The following RHPN2 variants were observed in gnomAD, a reference collection of about 807,000 sequenced individuals.
The protein encoded by RHPN2 is rhophilin-2.
A neutral mutation model predicts 79.0 loss-of-function variants in RHPN2; 40 were observed. That is an observed-to-expected ratio of 0.51 (90% confidence interval 0.39 to 0.66). RHPN2 has a LOEUF of 0.66. Ranked by LOEUF, RHPN2 falls within the 30% of genes least tolerant of loss-of-function variation. The probability of loss-of-function intolerance (pLI) is 0.00; values close to 1 mark genes in which losing one functional copy is unlikely to be tolerated. For synonymous variants in RHPN2, 285 were observed against 363.5 expected, an observed-to-expected ratio of 0.78 and a Z score of 2.46; for missense variants, 686 against 883.5, an observed-to-expected ratio of 0.78 and a Z score of 2.83.
chr19:32,981,343 T>C (rs1971572113), intron 14 of RHPN2, among the ~76,000 whole-genome samples: 1 of 141,488 alleles, frequency 7.1e-6, no homozygotes, highest in Non-Finnish European at 1.5e-5. Flanking sequence ...GTTGAGGCTA[T>C]AGTGAGCTGT....
chr19:33,025,481 CAA>C (rs1265765367), intron 3 of RHPN2, among the ~76,000 whole-genome samples: 6 of 137,970 alleles, frequency 4.3e-5, no homozygotes, highest in Admixed American at 7.3e-5. Context: ...GACTCTGTGT[CAA>C]AAAAAAAAAA....
At chr19:33,033,950 C>T (rs935136588) in intron 2 of RHPN2, among the ~76,000 whole-genome samples, 1 of 151,902 alleles carries the variant, frequency 6.6e-6, no homozygotes, top group Non-Finnish European at 1.5e-5. Flanking sequence ...AGAGCTTCCA[C>T]GTAATGCCAA....
At chr19:33,023,371 T>C (rs772530887) in intron 3 of RHPN2, among the ~76,000 whole-genome samples, 2 of 132,134 alleles carry the variant, frequency 1.5e-5, no homozygotes, top group Non-Finnish European at 3.1e-5. Context: ...GAGGTGGAGG[T>C]AGCAGTGAGC....
rs556595491 is a variant in RHPN2, at chr19:33,008,765, A to G, written c.594-585T>C. ...AGCCTGGGCGACAACAACAACAACA[A>G]ACTCATTTCTTCAGTAAAAGTCAAG... On this transcript the variant is annotated intron_variant, in intron 6 of 14. Coordinates refer to ENST00000254260, the MANE Select transcript of RHPN2 (RefSeq NM_033103.5). Among the ~76,000 whole-genome samples, 89 of 152,108 alleles carry G rather than the reference A, an allele frequency of 5.9e-4. 1 individual carries two copies. In the East Asian group the frequency reaches 6.0e-3, roughly 10 times the overall value.
At chr19:33,064,675 C>G (rs922474588) in intron 1 of RHPN2, 109 bp downstream of exon 1, 9 of 1,207,156 alleles carry the variant, frequency 7.5e-6, no homozygotes, top group South Asian at 7.0e-5. Context: ...CCCCCTCCCC[C>G]TCCCGGCCTA....
At chr19:33,062,767 C>CATA (rs76516449) in intron 1 of RHPN2, among the ~76,000 whole-genome samples, 2,340 of 143,644 alleles carry the variant, frequency 0.016, 26 homozygotes, top group African/African-American at 0.027. Context: ...GACTCTGTTT[C>CATA]ATAATAATAA....
At chr19:33,024,926 AT>A (rs968478719) in intron 3 of RHPN2, among the ~76,000 whole-genome samples, 2 of 151,574 alleles carry the variant, frequency 1.3e-5, no homozygotes, top group South Asian at 2.1e-4. Flanking sequence ...TAATTTTCCT[AT>A]TTTTTGTAGA....
At chr19:32,988,214 A>AC (rs1555709775) in intron 14 of RHPN2, among the ~76,000 whole-genome samples, 13,340 of 141,502 alleles carry the variant, frequency 0.094, 662 homozygotes, top group South Asian at 0.23. Flanking sequence ...AACAACAACA[A>AC]AAAAAAAAAC....
At chr19:33,062,838 TC>T (rs1366499308) in intron 1 of RHPN2, among the ~76,000 whole-genome samples, 3 of 151,788 alleles carry the variant, frequency 2.0e-5, no homozygotes, top group Non-Finnish European at 4.4e-5. Flanking sequence ...TGTGCACCTT[TC>T]CTAGCTCTCT....
chr19:32,979,920 T>G lies in RHPN2; in HGVS notation c.*76A>C, dbSNP rs1971559406. 3.9e-6 allele frequency: 6 copies of G among 1,526,586 alleles called. No individual in the cohort carries two copies. Among genetic ancestry groups the G allele is most frequent in the Non-Finnish European group, 5.4e-6 (6 of 1,101,502 alleles). The allele number at this position is 1,526,586 out of a possible 1,614,324, so 94.6% of individuals were successfully genotyped here. Reference sequence around the variant, plus strand: ...TTTGAGAACAGATAGATAGATATTTTCCATTATGGCACAAACGTTTAAGGC... The same window carrying G: ...TTTGAGAACAGATAGATAGATATTTGCCATTATGGCACAAACGTTTAAGGC... On this transcript the variant is annotated 3_prime_UTR_variant, in exon 15 of 15. Transcript: ENST00000254260.
At chr19:32,987,769 C>T (rs1351546511) in intron 14 of RHPN2, among the ~76,000 whole-genome samples, 2 of 152,174 alleles carry the variant, frequency 1.3e-5, no homozygotes, top group Admixed American at 6.6e-5. Context: ...TGTAAGACTT[C>T]ACATTCGATC....
chr19:32,994,412 C>G, intron 11 of RHPN2, among the ~76,000 whole-genome samples: 1 of 151,366 alleles, frequency 6.6e-6, no homozygotes, highest in East Asian at 2.0e-4. Flanking sequence ...AAAAGTGATC[C>G]TTGGGAAGGA....
intron 2 of RHPN2, among the ~76,000 whole-genome samples, chr19:33,033,881 T>C (rs534232260): frequency 1.1e-3 from 174 of 151,590 alleles, no homozygotes; most frequent in African/African-American, 4.0e-3. Flanking sequence ...AAAGAAAAAA[T>C]AAAATAAAAT....
At chr19:33,016,719 A>G (rs1295117472) in intron 4 of RHPN2, among the ~76,000 whole-genome samples, 1 of 152,092 alleles carries the variant, frequency 6.6e-6, no homozygotes, top group Admixed American at 6.6e-5. Context: ...AAACAAAATC[A>G]CACTGTGAAG....
At chr19:33,019,674 G>A (rs904465897) in intron 4 of RHPN2, among the ~76,000 whole-genome samples, 8 of 151,990 alleles carry the variant, frequency 5.3e-5, no homozygotes, top group Admixed American at 3.3e-4. Context: ...TGAAGTGGGA[G>A]GATCACCTGA....
intron 1 of RHPN2, among the ~76,000 whole-genome samples, chr19:33,048,748 T>G (rs1406193405): frequency 1.9e-5 from 2 of 105,188 alleles, no homozygotes; most frequent in Non-Finnish European, 3.6e-5. Flanking sequence ...AAAAAAAACT[T>G]TAATGTTAAG....
intron 1 of RHPN2, among the ~76,000 whole-genome samples, chr19:33,055,195 A>G (rs1330693153): frequency 6.6e-6 from 1 of 152,106 alleles, no homozygotes; most frequent in Admixed American, 6.6e-5. Flanking sequence ...ACAAAAAATA[A>G]AAATAAAAAT....
Position 33,011,601 on chromosome 19 carries a change from G to A in RHPN2, c.593+78C>T, listed in dbSNP as rs1971835712. The A allele has an allele frequency of 3.8e-6, 6 of 1,594,286 alleles. No individual in the cohort carries two copies. In the African/African-American group the frequency reaches 4.0e-5, roughly 11 times the overall value. Reference sequence around the variant, plus strand: ...GAGGTGCACAGGGGCACCCGCAGAGGGGCGTCTGTGATGCTGAGGCTCCAA... The same window carrying A: ...GAGGTGCACAGGGGCACCCGCAGAGAGGCGTCTGTGATGCTGAGGCTCCAA... On this transcript the variant is annotated intron_variant, in intron 6 of 14. Coordinates refer to ENST00000254260, the MANE Select transcript of RHPN2 (RefSeq NM_033103.5).
At chr19:33,025,020 G>T (rs1490715878) in intron 3 of RHPN2, among the ~76,000 whole-genome samples, 1 of 152,096 alleles carries the variant, frequency 6.6e-6, no homozygotes, top group African/African-American at 2.4e-5. Context: ...TGAAGAGCCG[G>T]GATTACAGGC....
Sources: gnomAD v4.1 joint callset for allele counts (sites outside exome capture counted in the v4.1 genomes callset) on GRCh38, gnomAD v4.1.1 for gene constraint, MANE v1.5 for transcripts, NCBI Gene and HGNC (gene_info 2026-07-23, HGNC 2026-07-21) for gene names.